FAM43A: variants seen among roughly 807,000 people sequenced by gnomAD.
The protein encoded by FAM43A is family with sequence similarity 43 member A.
A neutral mutation model predicts 15.7 loss-of-function variants in FAM43A; 11 were observed. The ratio of observed to expected loss-of-function variants is 0.70; its 90% CI spans 0.44 to 1.16. The LOEUF is 1.16. FAM43A is among the 50% of genes most tolerant of loss of function. FAM43A has a pLI of 0.00. For synonymous variants in FAM43A, 319 were observed against 291.7 expected (o/e 1.09, Z -0.96); for missense variants, 573 against 620.0 (o/e 0.92, Z 0.80).
Position 194,687,554 on chromosome 3 carries a change from G to A in FAM43A, c.728G>A (p.Arg243His), listed in dbSNP as rs1156440144. ...GPCCYKPPVERSRSAPKLGSI... is the reference protein window; with the variant it reads ...GPCCYKPPVEHSRSAPKLGSI... ...TGCTGCTATAAACCGCCGGTGGAGC[G>A]CAGCCGCAGCGCGCCCAAGCTTGGC... Residue 243 changes from arginine (R) to histidine (H), a missense_variant, in exon 1 of 1, where the codon CGC becomes CAC. By Grantham distance (29) the Arg-to-His change is conservative (BLOSUM62 0). Coordinates refer to ENST00000329759, the MANE Select transcript of FAM43A (RefSeq NM_153690.5). 1 of 1,584,448 alleles carries A rather than the reference G, an allele frequency of 6.3e-7. No homozygotes were observed. Among genetic ancestry groups the A allele is most frequent in the Non-Finnish European group, 8.6e-7 (1 of 1,165,494 alleles).
rs1719492284 is a variant in FAM43A, at chr3:194,688,797, A to G, written c.*699A>G. The G allele has an allele frequency of 1.8e-5, 3 of 167,066 alleles. No homozygotes were observed. The South Asian group carries it at 6.2e-4, about 35-fold the overall frequency. The allele number at this position is 167,066 out of a possible 1,614,324, so 10.3% of individuals were successfully genotyped here. A position where few individuals can be genotyped will look rare whatever the true frequency, so the allele number is the denominator to read the frequency against. ...CCTCTTGCTCAAAAGATCTCACTCCATGATACTGTGTAAAATATTTTTGCA... is the reference window on the plus strand; with the variant it reads ...CCTCTTGCTCAAAAGATCTCACTCCGTGATACTGTGTAAAATATTTTTGCA... On this transcript the variant is annotated 3_prime_UTR_variant, in exon 1 of 1. Transcript: ENST00000329759.
chr3:194,687,481 C>A lies in FAM43A; in HGVS notation c.655C>A (p.His219Asn), dbSNP rs1719444327. 6.5e-7 allele frequency: 1 copy of A among 1,537,268 alleles called. No homozygotes were observed. Among genetic ancestry groups the A allele is most frequent in the Non-Finnish European group, 8.8e-7 (1 of 1,138,188 alleles). ...RHQQQELVGA[H>N]TIPLVPLRKL... ...CCAGCAGCAGGAGCTGGTGGGCGCA[C>A]ACACCATCCCGCTAGTGCCGCTGCG... Residue 219 changes from histidine (H) to asparagine (N), a missense_variant, in exon 1 of 1, where the codon CAC becomes AAC. By Grantham distance (68) the His-to-Asn change is moderately conservative. Coordinates refer to ENST00000329759, the MANE Select transcript of FAM43A (RefSeq NM_153690.5).
Position 194,688,242 on chromosome 3 carries a change from C to G in FAM43A, c.*144C>G. 1.0e-6 allele frequency: 1 copy of G among 1,001,348 alleles called. No individual in the cohort carries two copies. The highest frequency in any genetic ancestry group is 1.3e-6 in the Non-Finnish European group (1 of 764,376). The allele number at this position is 1,001,348 out of a possible 1,614,324, so 62.0% of individuals were successfully genotyped here. A position where few individuals can be genotyped will look rare whatever the true frequency, so the allele number is the denominator to read the frequency against. ...ACTTGGAGCCCAGGTCCAGCGTTCC[C>G]CCGACCGCTTTCCCCTACCTCCCGG... On this transcript the variant is annotated 3_prime_UTR_variant, in exon 1 of 1. Coordinates refer to ENST00000329759, the MANE Select transcript of FAM43A (RefSeq NM_153690.5).
In FAM43A at chr3:194,686,711, G is replaced by A; in HGVS notation, c.-116G>A. On this transcript the variant is annotated 5_prime_UTR_variant, in exon 1 of 1. Transcript: ENST00000329759. ...CCCTACCACAGGGCCGCTCCCAGTA[G>A]TTTTATTCTTCGATCTTGCCCGGGC... 2 of 1,129,798 alleles carry A rather than the reference G, an allele frequency of 1.8e-6. No individual in the cohort carries two copies. The highest frequency in any genetic ancestry group is 3.3e-5 in the African/African-American group (2 of 60,938). The allele number at this position is 1,129,798 out of a possible 1,614,324, so 70.0% of individuals were successfully genotyped here.
chr3:194,686,765 G>T lies in FAM43A; in HGVS notation c.-62G>T. The T allele has an allele frequency of 7.5e-7, 1 of 1,340,854 alleles. No homozygotes were observed. The highest frequency in any genetic ancestry group is 9.5e-7 in the Non-Finnish European group (1 of 1,055,080). The allele number at this position is 1,340,854 out of a possible 1,614,324, so 83.1% of individuals were successfully genotyped here. A position where few individuals can be genotyped will look rare whatever the true frequency, so the allele number is the denominator to read the frequency against. On this transcript the variant is annotated 5_prime_UTR_variant, in exon 1 of 1. Coordinates refer to ENST00000329759, the MANE Select transcript of FAM43A (RefSeq NM_153690.5). ...GCCTGGCAGGGGCCGGTGGCTCAGC[G>T]GGCCTCGCACCCGGCGCTCCGCCGC...
In FAM43A at chr3:194,686,724, A is replaced by C; in HGVS notation, c.-103A>C. 2 of 1,210,096 alleles carry C rather than the reference A, an allele frequency of 1.7e-6. No individual in the cohort carries two copies. Among genetic ancestry groups the C allele is most frequent in the South Asian group, 2.5e-5 (1 of 39,330 alleles). 75.0% of individuals were successfully genotyped at this position (1,210,096 alleles called of 1,614,324 possible). A position where few individuals can be genotyped will look rare whatever the true frequency, so the allele number is the denominator to read the frequency against. On this transcript the variant is annotated 5_prime_UTR_variant, in exon 1 of 1. Transcript: ENST00000329759. ...CCGCTCCCAGTAGTTTTATTCTTCG[A>C]TCTTGCCCGGGCCGAGCCTGGCAGG...
rs763440480 is a variant in FAM43A, at chr3:194,686,980, A to T, written c.154A>T (p.Ser52Cys). Residue 52 changes from serine (S) to cysteine (C), a missense_variant, in exon 1 of 1, where the codon AGC (serine) becomes TGC (cysteine). Transcript: ENST00000329759. ...CGAAGGCGCGCTTAGCCGGGTGGGC[A>T]GCATGTTCCGCTCCAAGCGCAAGAA... ...CPEGALSRVG[S>C]MFRSKRKKLH... 3.7e-6 allele frequency: 6 copies of T among 1,611,070 alleles called. No homozygotes were observed. The South Asian group carries it at 6.6e-5, about 18-fold the overall frequency.
Position 194,687,824 on chromosome 3 carries a change from G to T in FAM43A, c.998G>T (p.Gly333Val), listed in dbSNP as rs1719457228. 6 of 1,447,796 alleles carry T rather than the reference G, an allele frequency of 4.1e-6. No homozygotes were observed. The allele number at this position is 1,447,796 out of a possible 1,614,324, so 89.7% of individuals were successfully genotyped here. The change falls in exon 1 of 1, where the codon GGC (glycine) becomes GTC (valine). Residue 333 changes from glycine (G) to valine (V), a missense_variant. Gly to Val is a moderately radical substitution (Grantham distance 109). Transcript: ENST00000329759. ...EALGGGGGSL[G>V]PGAGPPPLLL... ...CTAGGAGGCGGCGGGGGCTCCCTGG[G>T]CCCGGGGGCCGGGCCGCCGCCTCTG...
Position 194,686,947 on chromosome 3 carries a change from G to C in FAM43A, c.121G>C (p.Ala41Pro). 6.2e-7 allele frequency: 1 copy of C among 1,610,358 alleles called. No homozygotes were observed. The highest frequency in any genetic ancestry group is 8.5e-7 in the Non-Finnish European group (1 of 1,177,894). ...HYSALSSLARACPEGALSRVG... is the reference protein window; with the variant it reads ...HYSALSSLARPCPEGALSRVG... ...CTCGGCGCTCAGCTCGCTGGCGCGG[G>C]CGTGCCCCGAAGGCGCGCTTAGCCG... Residue 41 changes from alanine to proline, a missense_variant, in exon 1 of 1, where the codon GCG becomes CCG. By Grantham distance (27) the Ala-to-Pro change is conservative. Coordinates refer to ENST00000329759, the MANE Select transcript of FAM43A (RefSeq NM_153690.5).
chr3:194,687,144 C>T lies in FAM43A; in HGVS notation c.318C>T (p.Gly106=). The T allele has an allele frequency of 6.2e-7, 1 of 1,612,858 alleles. No individual in the cohort carries two copies. Among genetic ancestry groups the T allele is most frequent in the South Asian group, 1.1e-5 (1 of 91,084 alleles). Residue 106 remains glycine (G), a synonymous_variant, in exon 1 of 1, where the codon GGC becomes GGT. Transcript: ENST00000329759. ...IWSKSEAGRQ[G]TKMKLTVSAQ... Reference sequence around the variant, plus strand: ...GCAAGAGCGAGGCGGGCCGTCAGGGCACCAAGATGAAGCTGACGGTGAGTG... The same window carrying T: ...GCAAGAGCGAGGCGGGCCGTCAGGGTACCAAGATGAAGCTGACGGTGAGTG...
At position 194,686,879 on chromosome 3, in the gene FAM43A, G is replaced by A; in HGVS notation, c.53G>A (p.Arg18Gln). Reference sequence around the variant, plus strand: ...GAGCTGCTGGCCGAGGCGCCGCCGCGGCAGGCGTCCAAGCCCAAGGGCTAC... The same window carrying A: ...GAGCTGCTGGCCGAGGCGCCGCCGCAGCAGGCGTCCAAGCCCAAGGGCTAC... Reference protein sequence around the residue: ...KFELLAEAPPRQASKPKGYAV... With the variant: ...KFELLAEAPPQQASKPKGYAV... The change falls in exon 1 of 1, where the codon CGG becomes CAG. Residue 18 changes from arginine (R) to glutamine (Q), a missense_variant. Transcript: ENST00000329759. 2.5e-6 allele frequency: 4 copies of A among 1,596,826 alleles called. No individual in the cohort carries two copies. The highest frequency in any genetic ancestry group is 1.7e-5 in the Admixed American group (1 of 58,288).
chr3:194,688,099 GCTC>G lies in FAM43A; in HGVS notation c.*6_*8del, dbSNP rs1560237224. The G allele has an allele frequency of 7.5e-7, 1 of 1,336,936 alleles. No individual in the cohort carries two copies. The highest frequency in any genetic ancestry group is 9.6e-7 in the Non-Finnish European group (1 of 1,038,516). 82.8% of individuals were successfully genotyped at this position (1,336,936 alleles called of 1,614,324 possible). On this transcript the variant is annotated 3_prime_UTR_variant, in exon 1 of 1. Coordinates refer to ENST00000329759, the MANE Select transcript of FAM43A (RefSeq NM_153690.5). ...TGCAGACGAGCCCCACTCGGGCTGA[GCTC>G]CTCCGCGCGTCGCCGGCGCTCCACC...
Position 194,688,114 on chromosome 3 carries a change from G to A in FAM43A, c.*16G>A. 1 of 1,324,430 alleles carries A rather than the reference G, an allele frequency of 7.6e-7. No individual in the cohort carries two copies. 82.0% of individuals were successfully genotyped at this position (1,324,430 alleles called of 1,614,324 possible). On this transcript the variant is annotated 3_prime_UTR_variant, in exon 1 of 1. Coordinates refer to ENST00000329759, the MANE Select transcript of FAM43A (RefSeq NM_153690.5). ...CTCGGGCTGAGCTCCTCCGCGCGTC[G>A]CCGGCGCTCCACCGTGGCTACCCAT...
chr3:194,688,201 T>C lies in FAM43A; in HGVS notation c.*103T>C, dbSNP rs998626221. On this transcript the variant is annotated 3_prime_UTR_variant, in exon 1 of 1. Coordinates refer to ENST00000329759, the MANE Select transcript of FAM43A (RefSeq NM_153690.5). ...CCCAGGAAGGGGGAAATGGGGCATT[T>C]GGGGCCCAGACCTACACTTGGAGCC... is the stretch of plus-strand genomic sequence containing the variant. The C allele has an allele frequency of 4.4e-5, 53 of 1,201,752 alleles. No homozygotes were observed. The African/African-American group carries it at 7.0e-4, about 16-fold the overall frequency. The allele number at this position is 1,201,752 out of a possible 1,614,324, so 74.4% of individuals were successfully genotyped here.
Position 194,686,705 on chromosome 3 carries a change from C to T in FAM43A, c.-122C>T. ...CCAACTCCCTACCACAGGGCCGCTC[C>T]CAGTAGTTTTATTCTTCGATCTTGC... On this transcript the variant is annotated 5_prime_UTR_variant, in exon 1 of 1. Coordinates refer to ENST00000329759, the MANE Select transcript of FAM43A (RefSeq NM_153690.5). 1 of 1,032,064 alleles carries T rather than the reference C, an allele frequency of 9.7e-7. No individual in the cohort carries two copies. The highest frequency in any genetic ancestry group is 3.0e-5 in the South Asian group (1 of 33,448). 63.9% of individuals were successfully genotyped at this position (1,032,064 alleles called of 1,614,324 possible).
chr3:194,686,163 C>T lies in FAM43A; in HGVS notation c.-664C>T, dbSNP rs958103590. Among the ~76,000 whole-genome samples, 56 of 152,318 alleles carry T rather than the reference C, an allele frequency of 3.7e-4. No homozygotes were observed. Among genetic ancestry groups the T allele is most frequent in the Non-Finnish European group, 7.6e-4 (52 of 68,026 alleles). On this transcript the variant is annotated 5_prime_UTR_variant, in exon 1 of 1. Coordinates refer to ENST00000329759, the MANE Select transcript of FAM43A (RefSeq NM_153690.5). ...AGTGAGTCCCCGCGGGACTGCTGCG[C>T]GGGGCCCGCCGCGGCCAGCCGGACC...
rs61743405 is a variant in FAM43A, at chr3:194,687,715, G to A, written c.889G>A (p.Glu297Lys). 3,593 of 1,561,462 alleles carry A rather than the reference G, an allele frequency of 2.3e-3. 84 individuals carry two copies. The African/African-American group carries it at 0.044, about 19-fold the overall frequency. The change falls in exon 1 of 1, where the codon GAG becomes AAG. Residue 297 changes from glutamate to lysine, a missense_variant. Transcript: ENST00000329759. ...AEGDPAEEEA[E>K]AQRALVVAMH... ...GGGAGATCCAGCAGAGGAGGAGGCC[G>A]AGGCGCAGCGTGCGCTAGTGGTCGC...
In FAM43A at chr3:194,688,159, C is replaced by A; in HGVS notation, c.*61C>A. On this transcript the variant is annotated 3_prime_UTR_variant, in exon 1 of 1. Transcript: ENST00000329759. The stretch of plus-strand genomic sequence containing the variant: ...ACCCATCCGTGGTCCCGACAACCTC[C>A]CTGTCCCTTGCCCGCCCCCAGGAAG... 1 of 1,283,410 alleles carries A rather than the reference C, an allele frequency of 7.8e-7. No individual in the cohort carries two copies. The highest frequency in any genetic ancestry group is 9.9e-7 in the Non-Finnish European group (1 of 1,008,192). The allele number at this position is 1,283,410 out of a possible 1,614,324, so 79.5% of individuals were successfully genotyped here.
chr3:194,686,722 C>A lies in FAM43A; in HGVS notation c.-105C>A. 1 of 1,189,554 alleles carries A rather than the reference C, an allele frequency of 8.4e-7. No homozygotes were observed. The highest frequency in any genetic ancestry group is 2.6e-5 in the South Asian group (1 of 38,004). 73.7% of individuals were successfully genotyped at this position (1,189,554 alleles called of 1,614,324 possible). On this transcript the variant is annotated 5_prime_UTR_variant, in exon 1 of 1. Transcript: ENST00000329759. ...GGCCGCTCCCAGTAGTTTTATTCTT[C>A]GATCTTGCCCGGGCCGAGCCTGGCA...
Sources: allele counts gnomAD v4.1 joint callset (sites outside exome capture counted in the v4.1 genomes callset), GRCh38; gene constraint gnomAD v4.1.1; transcripts MANE v1.5; gene names NCBI Gene and HGNC (gene_info 2026-07-23, HGNC 2026-07-21).